NEDD9: variants seen among roughly 807,000 people sequenced by gnomAD.
NEDD9 encodes the protein neural precursor cell expressed, developmentally down-regulated 9, also known as enhancer of filamentation 1.
Under a neutral mutation model 76.6 loss-of-function variants are expected in NEDD9, and 26 were observed. That is an observed-to-expected ratio of 0.34 (90% CI 0.25 to 0.47). The LOEUF (loss-of-function observed/expected upper bound fraction) is 0.47. Among genes scored for constraint, NEDD9 ranks in the 20% least tolerant of loss-of-function variants. The pLI is 1.00. For synonymous variants in NEDD9, 392 were observed against 414.2 expected, an observed-to-expected ratio of 0.95 and a Z score of 0.65; for missense variants, 937 against 1,058.5, an observed-to-expected ratio of 0.89 and a Z score of 1.59.
Position 11,185,398 on chromosome 6 carries a change from C to T in NEDD9, c.2269G>A (p.Val757Met). 1.2e-6 allele frequency: 2 copies of T among 1,614,230 alleles called. No individual in the cohort carries two copies. The highest frequency in any genetic ancestry group is 1.7e-6 in the Non-Finnish European group (2 of 1,180,046). ...KFVILSAHKL[V>M]FIGDTLTRQV... ...CGTGTCAGCGTGTCTCCAATGAACA[C>T]CAGTTTGTGTGCACTGAGGATGACA... The change falls in exon 7 of 7, where the codon GTG becomes ATG. Residue 757 changes from valine to methionine, a missense_variant. Val to Met is a conservative substitution (Grantham distance 21, BLOSUM62 1). Transcript: ENST00000379446.
At chr6:11,341,650 G>A (rs1762274787) in intron 1 of NEDD9, among the ~76,000 whole-genome samples, 1 of 152,180 alleles carries the variant, frequency 6.6e-6, no homozygotes, top group African/African-American at 2.4e-5. Context: ...GCCACATGTG[G>A]CCAGCAGCTG....
rs1388957363 is a variant in NEDD9, at chr6:11,278,761, C to G, written c.12+27231G>C. Among the ~76,000 whole-genome samples, 6 of 152,278 alleles carry G rather than the reference C, an allele frequency of 3.9e-5. No homozygotes were observed. The East Asian group carries it at 1.2e-3, about 29-fold the overall frequency. ...TGCCTAGGCCAGTGAAAACACAATT[C>G]TGGAGATGGGACCCAGGAGATTTCA... On this transcript the variant is annotated intron_variant, in intron 3 of 3. Transcript: ENST00000397378.
At chr6:11,381,030 C>G (rs1763053962) in intron 1 of NEDD9, among the ~76,000 whole-genome samples, 1 of 152,196 alleles carries the variant, frequency 6.6e-6, no homozygotes, top group African/African-American at 2.4e-5. Flanking sequence ...GTTAAATAAA[C>G]TAACCGATTA....
rs1189754831 is a variant in NEDD9, at chr6:11,190,415, A to G, written c.1454T>C (p.Met485Thr). 1 of 1,614,016 alleles carries G rather than the reference A, an allele frequency of 6.2e-7. No individual in the cohort carries two copies. Among genetic ancestry groups the G allele is most frequent in the Non-Finnish European group, 8.5e-7 (1 of 1,180,022 alleles). ...TTCAACTCGTTGCAGCTCCCGCTTC[A>G]TCTTGTTGTGGAGGATGAGTTCCGG... ...CLPELILHNK[M>T]KRELQRVEDS... Residue 485 changes from methionine to threonine, a missense_variant, in exon 5 of 7, where the codon ATG (methionine) becomes ACG (threonine). Transcript: ENST00000379446. This position sits in a 1 kb window ranked among gnomAD's most constrained non-coding sequence, Gnocchi z 5.8.
At chr6:11,188,195 G>C in intron 6 of NEDD9, 23 bp downstream of exon 6, 1 of 1,596,902 alleles carries the variant, frequency 6.3e-7, no homozygotes, top group Middle Eastern at 1.7e-4. Flanking sequence ...ATGCCAAGCA[G>C]TTTTTGCTCT....
At position 11,273,856 on chromosome 6, in the gene NEDD9, T is replaced by TTGACGTACTC. The variant is rs368047150; in HGVS notation, c.12+32126_12+32135dup. On this transcript the variant is annotated intron_variant, in intron 3 of 3. Transcript: ENST00000397378. ...ACGACTATGGGGGTGGACAGGTACT[T>TTGACGTACTC]TGACGTACTCTGACCTCTTTTTATA... is the stretch of plus-strand genomic sequence containing the variant. Among the ~76,000 whole-genome samples, 418 of 152,344 alleles carry TTGACGTACTC rather than the reference T, an allele frequency of 2.7e-3. 1 individual carries two copies. The highest frequency in any genetic ancestry group is 9.4e-3 in the African/African-American group (391 of 41,570).
At position 11,192,662 on chromosome 6, in the gene NEDD9, C is replaced by T. The variant is rs573320634; in HGVS notation, c.562-216G>A. On this transcript the variant is annotated intron_variant, in intron 3 of 6. Coordinates refer to ENST00000379446, the MANE Select transcript of NEDD9 (RefSeq NM_006403.4). Reference sequence around the variant, plus strand: ...ATATAAAAATGATTTTGGCCAGGCACGGTGGCTCACGCCTGTAATCCCAGC... The same window carrying T: ...ATATAAAAATGATTTTGGCCAGGCATGGTGGCTCACGCCTGTAATCCCAGC... The T allele has an allele frequency of 3.6e-4, 146 of 403,674 alleles. 1 individual carries two copies. The highest frequency in any genetic ancestry group is 2.5e-3 in the African/African-American group (115 of 46,026). 25.0% of individuals were successfully genotyped at this position (403,674 alleles called of 1,614,324 possible).
intron 3 of NEDD9, among the ~76,000 whole-genome samples, chr6:11,239,181 TA>T (rs201346145): frequency 0.02 from 2,990 of 151,880 alleles, 45 homozygotes; most frequent in East Asian, 0.088. Context: ...AAAATAAAAA[TA>T]AAAAAAATCT....
chr6:11,321,007 G>C (rs759218945), intron 2 of NEDD9, among the ~76,000 whole-genome samples: 26 of 150,810 alleles, frequency 1.7e-4, no homozygotes, highest in Non-Finnish European at 3.5e-4. Flanking sequence ...CTCTTAAGAG[G>C]TTAAAAAAAA....
intron 1 of NEDD9, among the ~76,000 whole-genome samples, chr6:11,341,833 A>C (rs989615288): frequency 2.0e-5 from 3 of 152,238 alleles, no homozygotes; most frequent in Admixed American, 2.0e-4. Context: ...ATAGTAAAAA[A>C]TGAAAGCAAA....
intron 3 of NEDD9, among the ~76,000 whole-genome samples, chr6:11,303,344 C>T (rs539607070): frequency 2.6e-5 from 4 of 152,238 alleles, no homozygotes; most frequent in Admixed American, 2.0e-4. Flanking sequence ...GAACTACAAA[C>T]CACTGCTCAA....
At chr6:11,377,872 G>A (rs764714658) in intron 1 of NEDD9, among the ~76,000 whole-genome samples, 38 of 152,308 alleles carry the variant, frequency 2.5e-4, no homozygotes, top group Middle Eastern at 3.4e-3. Context: ...TGGAGCATGC[G>A]GGTGGATCCC....
intron 3 of NEDD9, among the ~76,000 whole-genome samples, chr6:11,242,929 T>C (rs1003116971): frequency 6.6e-6 from 1 of 151,968 alleles, no homozygotes; most frequent in Admixed American, 6.6e-5. Context: ...GTTTCAGCAA[T>C]TGAATCTACA....
At chr6:11,202,528 T>A (rs1163872294) in intron 2 of NEDD9, among the ~76,000 whole-genome samples, 1 of 152,178 alleles carries the variant, frequency 6.6e-6, no homozygotes, top group Non-Finnish European at 1.5e-5. Context: ...GCTACAGAGG[T>A]TTGCCTGCTT....
intron 1 of NEDD9, among the ~76,000 whole-genome samples, chr6:11,344,179 T>C (rs931817028): frequency 6.6e-6 from 1 of 152,220 alleles, no homozygotes; most frequent in African/African-American, 2.4e-5. Flanking sequence ...CATCTCTGGC[T>C]ACAAAAATGT....
rs190875187 is a variant in NEDD9 at position 11,293,243 on chromosome 6, T to C, written c.12+12749A>G. On this transcript the variant is annotated intron_variant, in intron 3 of 3. Transcript: ENST00000397378. The stretch of plus-strand genomic sequence containing the variant: ...TGCAACAGTCCAATAAGATGGGTAT[T>C]ATTATATTCATTTTGCACAGGAGAA... Among the ~76,000 whole-genome samples, 81 of 152,032 alleles carry C rather than the reference T, an allele frequency of 5.3e-4. 1 individual carries two copies. The highest frequency in any genetic ancestry group is 5.9e-5 in the Non-Finnish European group (4 of 67,978).
chr6:11,244,107 C>T (rs1561804406), intron 3 of NEDD9, among the ~76,000 whole-genome samples: 1 of 152,096 alleles, frequency 6.6e-6, no homozygotes, highest in Admixed American at 6.5e-5. Flanking sequence ...ACTGAGGTTC[C>T]CTGAAGAAGA....
At chr6:11,307,481 A>G (rs1452238412) in intron 2 of NEDD9, among the ~76,000 whole-genome samples, 2 of 152,004 alleles carry the variant, frequency 1.3e-5, no homozygotes, top group Non-Finnish European at 2.9e-5. Flanking sequence ...CAAAAGGGAG[A>G]TTTACTGCGT....
chr6:11,375,551 T>C (rs1762956429), intron 1 of NEDD9, among the ~76,000 whole-genome samples: 1 of 152,014 alleles, frequency 6.6e-6, no homozygotes. Flanking sequence ...TAGTAGGAGG[T>C]ATTGGATTAT....
Sources: gnomAD v4.1 joint callset for allele counts (sites outside exome capture counted in the v4.1 genomes callset) on GRCh38, gnomAD v4.1.1 for gene constraint, Gnocchi (gnomAD v3.1) non-coding constraint, MANE v1.5 for transcripts, NCBI Gene and HGNC (gene_info 2026-07-23, HGNC 2026-07-21) for gene names.